COA1: variants seen among roughly 807,000 people sequenced by gnomAD.
The protein encoded by COA1 is cytochrome c oxidase assembly factor 1 homolog.
In COA1, 13 loss-of-function variants were observed where a neutral mutation model predicts 16.0. The ratio of observed to expected loss-of-function variants is 0.81; its 90% CI spans 0.53 to 1.29. The LOEUF (loss-of-function observed/expected upper bound fraction) is 1.29. COA1 is among the 50% of genes most tolerant of loss of function. The pLI is 0.00. For missense variants in COA1, 179 were observed against 177.0 expected, an observed-to-expected ratio of 1.01 and a Z score of -0.06; for synonymous variants, 65 against 65.7, an observed-to-expected ratio of 0.99 and a Z score of 0.05.
At chr7:43,660,914 T>G (rs534639359) in intron 1 of COA1, among the ~76,000 whole-genome samples, 1 of 152,320 alleles carries the variant, frequency 6.6e-6, no homozygotes, top group East Asian at 1.9e-4. Context: ...TAAGCTTCTT[T>G]GCATTACACG....
At chr7:43,614,471 C>G (rs9639883) in intron 6 of COA1, among the ~76,000 whole-genome samples, 26,669 of 152,174 alleles carry the variant, frequency 0.18, 2,713 homozygotes, top group Admixed American at 0.31. Context: ...GCTTTGTTTT[C>G]AGGACATGTA....
downstream of COA1, among the ~76,000 whole-genome samples, chr7:43,634,453 G>A (rs1390227244): frequency 1.3e-5 from 2 of 152,158 alleles, no homozygotes; most frequent in African/African-American, 2.4e-5. Flanking sequence ...AGAACACGTG[G>A]GTCCCACTGA....
intron 1 of COA1, among the ~76,000 whole-genome samples, chr7:43,681,281 T>G (rs2093758433): frequency 6.6e-6 from 1 of 152,238 alleles, no homozygotes; most frequent in Admixed American, 6.5e-5. Context: ...TTGTTGTCAC[T>G]GTTTTCTTTT....
rs1309636795 is a variant in COA1, at chr7:43,683,258, CT to C, written c.-38-34607del. On this transcript the variant is annotated intron_variant, in intron 1 of 5. Coordinates refer to ENST00000223336, the MANE Select transcript of COA1 (RefSeq NM_018224.4). ...AAGTCATATAGTTGTGTTTTTTTTC[CT>C]TTTTACATATCATAATGATCATTTC... Among the ~76,000 whole-genome samples the C allele has an allele frequency of 1.1e-4, 16 of 151,686 alleles. No homozygotes were observed. The South Asian group carries it at 1.7e-3, about 16-fold the overall frequency.
chr7:43,661,951 A>G (rs1223387635), intron 1 of COA1, among the ~76,000 whole-genome samples: 1 of 152,258 alleles, frequency 6.6e-6, no homozygotes, highest in Non-Finnish European at 1.5e-5. Context: ...TGATCTGCAT[A>G]AGTTAGTAAA....
At chr7:43,696,323 G>GC (rs1261404805) in intron 1 of COA1, among the ~76,000 whole-genome samples, 16 of 152,114 alleles carry the variant, frequency 1.1e-4, no homozygotes, top group African/African-American at 3.6e-4. Flanking sequence ...GGGGGGAACC[G>GC]CCCCCAATGA....
At chr7:43,700,289 T>C (rs1299894526) in intron 1 of COA1, among the ~76,000 whole-genome samples, 1 of 152,168 alleles carries the variant, frequency 6.6e-6, no homozygotes, top group Non-Finnish European at 1.5e-5. Context: ...TGAATACAGA[T>C]GATAGCTAAC....
chr7:43,719,593 G>A (rs1346680714), intron 1 of COA1, among the ~76,000 whole-genome samples: 1 of 152,136 alleles, frequency 6.6e-6, no homozygotes, highest in African/African-American at 2.4e-5. Flanking sequence ...TTTTCTATTA[G>A]AACATAACTT....
At chr7:43,618,351 G>T (rs945496223) in intron 6 of COA1, among the ~76,000 whole-genome samples, 20 of 152,288 alleles carry the variant, frequency 1.3e-4, no homozygotes, top group African/African-American at 4.8e-4. Context: ...AGGGCGTCCT[G>T]AACAAAGGCA....
At chr7:43,691,583 G>A (rs2094371136) in intron 1 of COA1, among the ~76,000 whole-genome samples, 1 of 152,126 alleles carries the variant, frequency 6.6e-6, no homozygotes, top group Non-Finnish European at 1.5e-5. Flanking sequence ...GTCTGCTGAG[G>A]AGACAAACTC....
At chr7:43,676,228 C>T (rs2093510975) in intron 1 of COA1, among the ~76,000 whole-genome samples, 2 of 152,128 alleles carry the variant, frequency 1.3e-5, no homozygotes, top group South Asian at 4.1e-4. Context: ...AAATAGGTGA[C>T]ATTTTAAATA....
At chr7:43,608,975 G>A (rs34794727) in exon 7 of COA1, 22,331 of 152,150 alleles carry the variant, frequency 0.15, 2,179 homozygotes, top group Non-Finnish European at 0.21. Flanking sequence ...CATCAAAGGC[G>A]GAGAAGAGGA....
Position 43,648,659 on chromosome 7 carries a change from T to C in COA1, c.-38-7A>G. ...TCATCAAAGGCAAGTTGTCCTGCAA[T>C]TAGAAAAGATTTTACATTAAAATCA... On this transcript the variant is annotated splice_region_variant and splice_polypyrimidine_tract_variant and intron_variant, in intron 1 of 5. Coordinates refer to ENST00000223336, the MANE Select transcript of COA1 (RefSeq NM_018224.4). 1.2e-6 allele frequency: 2 copies of C among 1,601,714 alleles called. No homozygotes were observed. The highest frequency in any genetic ancestry group is 1.7e-6 in the Non-Finnish European group (2 of 1,170,766).
chr7:43,673,642 C>A (rs1021886164), intron 1 of COA1, among the ~76,000 whole-genome samples: 3 of 152,122 alleles, frequency 2.0e-5, no homozygotes, highest in Non-Finnish European at 2.9e-5. Flanking sequence ...CTCATTATTG[C>A]GTATATACCC....
chr7:43,677,596 C>G (rs1225383007), intron 1 of COA1, among the ~76,000 whole-genome samples: 1 of 151,894 alleles, frequency 6.6e-6, no homozygotes, highest in African/African-American at 2.4e-5. Context: ...GTCAGGAGTT[C>G]GAAATCAGCC....
At chr7:43,611,215 C>CT (rs2082847361) in intron 6 of COA1, among the ~76,000 whole-genome samples, 1 of 152,190 alleles carries the variant, frequency 6.6e-6, no homozygotes, top group African/African-American at 2.4e-5. Context: ...AAGGTAGTTT[C>CT]TTTTTAAATA....
In COA1 at chr7:43,695,753, G is replaced by A. The variant is rs556763228; in HGVS notation, c.-39+33676C>T. Among the ~76,000 whole-genome samples, 8 of 150,856 alleles carry A rather than the reference G, an allele frequency of 5.3e-5. No individual in the cohort carries two copies. The South Asian group carries it at 1.0e-3, about 20-fold the overall frequency. ...CTGGAACACAGTTTTATATACCACT[G>A]CTGGGAATGTAAATTAATCCAAATA... is the stretch of plus-strand genomic sequence containing the variant. On this transcript the variant is annotated intron_variant, in intron 1 of 5. Coordinates refer to ENST00000223336, the MANE Select transcript of COA1 (RefSeq NM_018224.4).
chr7:43,658,924 G>C (rs951187441), intron 1 of COA1: 1 of 152,578 alleles, frequency 6.6e-6, no homozygotes, highest in African/African-American at 2.4e-5. Context: ...AGGCAAGAGG[G>C]CAGGGTCTTC....
At chr7:43,683,777 T>G (rs1205168725) in intron 1 of COA1, among the ~76,000 whole-genome samples, 2 of 152,198 alleles carry the variant, frequency 1.3e-5, no homozygotes, top group Non-Finnish European at 2.9e-5. Context: ...TATCACCATT[T>G]TAAAGATTGG....
Sources: gnomAD v4.1 joint callset for allele counts (sites outside exome capture counted in the v4.1 genomes callset) on GRCh38, gnomAD v4.1.1 for gene constraint, MANE v1.5 for transcripts, NCBI Gene and HGNC (gene_info 2026-07-23, HGNC 2026-07-21) for gene names.